The following GRIN2A variants were observed in gnomAD, a reference collection of about 807,000 sequenced individuals.
GRIN2A encodes glutamate receptor ionotropic, NMDA 2A.
Under a neutral mutation model 113.4 loss-of-function variants are expected in GRIN2A, and 22 were observed. The observed-to-expected ratio is 0.19, with a 90% confidence interval of 0.14 to 0.28. The LOEUF (loss-of-function observed/expected upper bound fraction) is 0.28, where lower values mean the gene tolerates loss of function less well. GRIN2A is among the 10% of genes least tolerant of loss of function. GRIN2A has a pLI of 1.00. For synonymous variants in GRIN2A, 827 were observed against 738.4 expected (o/e 1.12, Z -1.94); for missense variants, 1,502 against 1,887.0 (o/e 0.80, Z 3.78).
intron 2 of GRIN2A, among the ~76,000 whole-genome samples, chr16:10,034,337 C>G (rs996803623): frequency 2.0e-5 from 3 of 151,644 alleles, no homozygotes; most frequent in Non-Finnish European, 2.9e-5. Context: ...CCATCTTGGC[C>G]AATATGGTGA....
intron 10 of GRIN2A, among the ~76,000 whole-genome samples, chr16:9,821,726 G>A (rs1200321495): frequency 6.6e-6 from 1 of 152,178 alleles, no homozygotes; most frequent in African/African-American, 2.4e-5. Flanking sequence ...CAGCTATGGA[G>A]TCTGTGTTAC....
At chr16:10,129,572 G>A (rs1303575044) in intron 2 of GRIN2A, among the ~76,000 whole-genome samples, 1 of 152,136 alleles carries the variant, frequency 6.6e-6, no homozygotes, top group Non-Finnish European at 1.5e-5. Context: ...TCCAGGGGAA[G>A]AAATTCCCAA....
At chr16:10,121,045 C>T (rs751815154) in intron 2 of GRIN2A, among the ~76,000 whole-genome samples, 24 of 152,096 alleles carry the variant, frequency 1.6e-4, no homozygotes, top group Admixed American at 2.6e-4. Flanking sequence ...CAGCCACAGA[C>T]GTCAAATTTC....
At chr16:10,020,379 ACATTATTTTTC>A (rs1158627502) in intron 2 of GRIN2A, among the ~76,000 whole-genome samples, 2 of 152,156 alleles carry the variant, frequency 1.3e-5, no homozygotes, top group Admixed American at 6.5e-5. Flanking sequence ...TACCTAACCT[ACATTATTTTTC>A]CATTATTTTT....
chr16:10,003,917 C>G (rs536437791), intron 2 of GRIN2A, among the ~76,000 whole-genome samples: 2 of 152,106 alleles, frequency 1.3e-5, no homozygotes, highest in Admixed American at 6.5e-5. Flanking sequence ...GTCACACGTC[C>G]GCATTGCCTC....
chr16:9,838,979 C>G (rs142603846), intron 7 of GRIN2A, among the ~76,000 whole-genome samples: 63 of 152,264 alleles, frequency 4.1e-4, no homozygotes, highest in African/African-American at 8.9e-4. Flanking sequence ...GACAGGTACA[C>G]TAAAGGCCCA....
At chr16:10,064,832 G>T (rs1312418797) in intron 2 of GRIN2A, among the ~76,000 whole-genome samples, 1 of 152,182 alleles carries the variant, frequency 6.6e-6, no homozygotes, top group Non-Finnish European at 1.5e-5. Flanking sequence ...AATCTCCATT[G>T]TTTCAGGGCA....
At position 10,093,625 on chromosome 16, in the gene GRIN2A, A is replaced by AC. The variant is rs1213513070; in HGVS notation, c.414+86372_414+86373insG. The stretch of plus-strand genomic sequence containing the variant: ...ATACCCGGGCAACAAAGTGAAAAAA[A>AC]AAAACAAAAAACCTTTTGCAGTAGA... On this transcript the variant is annotated intron_variant, in intron 2 of 12. Transcript: ENST00000330684. Among the ~76,000 whole-genome samples, 3 of 151,898 alleles carry AC rather than the reference A, an allele frequency of 2.0e-5. No individual in the cohort carries two copies. In the East Asian group the frequency reaches 5.8e-4, roughly 29 times the overall value.
chr16:10,039,317 C>A (rs1189638068), intron 2 of GRIN2A, among the ~76,000 whole-genome samples: 3 of 152,176 alleles, frequency 2.0e-5, no homozygotes, highest in South Asian at 4.1e-4. Flanking sequence ...AATGTGCATT[C>A]GTAGCGGGGG....
At chr16:10,055,244 T>A (rs910939085) in intron 2 of GRIN2A, among the ~76,000 whole-genome samples, 6 of 151,962 alleles carry the variant, frequency 3.9e-5, no homozygotes, top group African/African-American at 1.4e-4. Context: ...AGTGGTTTCC[T>A]CTGAGGAAGG....
At position 10,073,264 on chromosome 16, in the gene GRIN2A, G is replaced by A. The variant is rs543189769; in HGVS notation, c.414+106734C>T. 5.3e-5 allele frequency among the ~76,000 whole-genome samples: 8 copies of A among 152,174 alleles called. No homozygotes were observed. The East Asian group carries it at 5.8e-4, about 11-fold the overall frequency. ...AGCCACCGTGCCCAGTCAAGATCCC[G>A]TAATTCTTGAGCATTCCTGAAACCT... On this transcript the variant is annotated intron_variant, in intron 2 of 12. Coordinates refer to ENST00000330684, the MANE Select transcript of GRIN2A (RefSeq NM_001134407.3).
At chr16:10,051,339 T>C (rs28491487) in intron 2 of GRIN2A, among the ~76,000 whole-genome samples, 17,588 of 152,120 alleles carry the variant, frequency 0.12, 1,225 homozygotes, top group African/African-American at 0.18. Flanking sequence ...ACCTCCTGCA[T>C]GGGTCTCAGA....
At chr16:9,932,502 A>G (rs1169682833) in intron 3 of GRIN2A, among the ~76,000 whole-genome samples, 1 of 151,958 alleles carries the variant, frequency 6.6e-6, no homozygotes, top group East Asian at 1.9e-4. Context: ...CAGCTTCCCA[A>G]GTAGCTGGGA....
intron 2 of GRIN2A, among the ~76,000 whole-genome samples, chr16:9,940,082 G>C (rs1025950223): frequency 3.3e-5 from 5 of 151,990 alleles, no homozygotes; most frequent in Non-Finnish European, 5.9e-5. Context: ...GTGTGTGTGT[G>C]TGTGAAAGGT....
intron 4 of GRIN2A, among the ~76,000 whole-genome samples, chr16:9,874,363 G>C (rs1049459195): frequency 6.6e-6 from 1 of 152,154 alleles, no homozygotes; most frequent in African/African-American, 2.4e-5. Flanking sequence ...ATGCTGATTC[G>C]TTTTGCACAA....
At position 9,849,813 on chromosome 16, in the gene GRIN2A, G is replaced by T. The variant is rs375260513; in HGVS notation, c.1271C>A (p.Pro424His). 3.7e-5 allele frequency: 59 copies of T among 1,613,918 alleles called. No homozygotes were observed. Among genetic ancestry groups the T allele is most frequent in the Non-Finnish European group, 4.7e-5 (56 of 1,179,978 alleles). The change falls in exon 5 of 13, where the codon CCC becomes CAC. Residue 424 changes from proline (P) to histidine (H), a missense_variant. Physicochemically the swap from Pro to His is moderately conservative, Grantham distance 77. Transcript: ENST00000330684. Reference protein sequence around the residue: ...APFVIVEDIDPLTETCVRNTV... With the variant: ...APFVIVEDIDHLTETCVRNTV... ...GTTCCTCACACACGTCTCGGTCAGG[G>T]GGTCTATGTCTTCCACGATGACGAA...
At chr16:9,924,117 A>AC (rs2044408997) in intron 3 of GRIN2A, among the ~76,000 whole-genome samples, 2 of 150,314 alleles carry the variant, frequency 1.3e-5, no homozygotes, top group African/African-American at 4.9e-5. Context: ...TCTCAAAAAA[A>AC]AAAAAAAAAA....
intron 2 of GRIN2A, among the ~76,000 whole-genome samples, chr16:10,139,790 C>A (rs773948189): frequency 2.0e-5 from 3 of 152,120 alleles, no homozygotes; most frequent in Non-Finnish European, 4.4e-5. Context: ...GTATCAGGTG[C>A]AGCAAATTCA....
intron 2 of GRIN2A, among the ~76,000 whole-genome samples, chr16:10,050,291 C>A (rs996129400): frequency 6.6e-6 from 1 of 152,150 alleles, no homozygotes; most frequent in Admixed American, 6.5e-5. Context: ...TCCCCAAACC[C>A]CAAGCCACGG....
Sources: allele counts gnomAD v4.1 joint callset (sites outside exome capture counted in the v4.1 genomes callset), GRCh38; gene constraint gnomAD v4.1.1; transcripts MANE v1.5; gene names NCBI Gene and HGNC (gene_info 2026-07-23, HGNC 2026-07-21).